MYLK4: variants seen among roughly 807,000 people sequenced by gnomAD.
MYLK4 encodes caMLCK like.
Under a neutral mutation model 48.1 loss-of-function variants are expected in MYLK4, and 46 were observed. The observed-to-expected ratio is 0.96, with a 90% CI of 0.75 to 1.22. The LOEUF is 1.22. Ranked by LOEUF, MYLK4 falls within the 50% of genes most tolerant of loss-of-function variation. The probability of loss-of-function intolerance (pLI) is 0.00; values close to 1 mark genes in which losing one functional copy is unlikely to be tolerated. For missense variants in MYLK4, 451 were observed against 486.1 expected, an observed-to-expected ratio of 0.93 and a Z score of 0.68; for synonymous variants, 170 against 180.8, an observed-to-expected ratio of 0.94 and a Z score of 0.48.
At chr6:2,765,182 ACCCCCCC>A in the MYLK4 span, among the ~76,000 whole-genome samples, 1 of 72,924 alleles carries the variant, frequency 1.4e-5, no homozygotes, top group Non-Finnish European at 2.7e-5. Flanking sequence ...TCGCCTCGCA[ACCCCCCC>A]CCCCGCCCCT....
chr6:2,768,805 C>G, the MYLK4 span: 5 of 1,613,702 alleles, frequency 3.1e-6, no homozygotes, highest in Non-Finnish European at 4.2e-6. Context: ...AAAACAAGCT[C>G]AAAATGAAAA....
At chr6:2,757,773 A>G in the MYLK4 span, among the ~76,000 whole-genome samples, 25 of 152,362 alleles carry the variant, frequency 1.6e-4, no homozygotes, top group African/African-American at 5.8e-4. Context: ...AGCTAAATAG[A>G]TAAGATTGCT....
chr6:2,733,540 G>A (rs928717685), intron 2 of MYLK4, among the ~76,000 whole-genome samples: 17 of 152,192 alleles, frequency 1.1e-4, no homozygotes, highest in African/African-American at 4.1e-4. Flanking sequence ...AGAGAAGGAA[G>A]CCTACGTGGT....
intron 2 of MYLK4, among the ~76,000 whole-genome samples, chr6:2,747,459 C>T (rs1451073594): frequency 6.6e-6 from 1 of 152,154 alleles, no homozygotes; most frequent in Non-Finnish European, 1.5e-5. Context: ...AATCCTCCTG[C>T]CTCAGCCTCC....
At chr6:2,737,977 C>CGGGGG (rs1158504264) in intron 2 of MYLK4, among the ~76,000 whole-genome samples, 16 of 2,514 alleles carry the variant, frequency 6.4e-3, no homozygotes, top group Admixed American at 0.025. Flanking sequence ...GTGCCGGGGG[C>CGGGGG]GGGTGGGGGG....
At chr6:2,747,841 T>A (rs189913892) in intron 2 of MYLK4, among the ~76,000 whole-genome samples, 1 of 152,342 alleles carries the variant, frequency 6.6e-6, no homozygotes, top group African/African-American at 2.4e-5. Flanking sequence ...AATTATCCTG[T>A]TTGTACCACT....
intron 2 of MYLK4, among the ~76,000 whole-genome samples, chr6:2,734,187 A>G (rs1183396579): frequency 6.6e-6 from 1 of 151,914 alleles, no homozygotes; most frequent in Non-Finnish European, 1.5e-5. Flanking sequence ...GCCAGAAGCA[A>G]CTCTGTTACA....
the MYLK4 span, chr6:2,765,928 C>T: frequency 6.9e-7 from 1 of 1,450,768 alleles, no homozygotes; most frequent in South Asian, 1.3e-5. Flanking sequence ...GCGACGACGG[C>T]GGCGAGACCG....
At position 2,672,152 on chromosome 6, in the gene MYLK4, G is replaced by A. The variant is rs1008375081; in HGVS notation, c.1120-804C>T. 4.6e-5 allele frequency among the ~76,000 whole-genome samples: 7 copies of A among 152,206 alleles called. No individual in the cohort carries two copies. The highest frequency in any genetic ancestry group is 1.7e-4 in the African/African-American group (7 of 41,446). On this transcript the variant is annotated intron_variant, in intron 11 of 12. Transcript: ENST00000274643. The surrounding 1 kb of genome is among the most constrained non-coding windows in gnomAD (Gnocchi z 4.3). ...CTGAGAATGGGAAGGAAGGGTCAGA[G>A]GCTTCTTAGCTCTGGGGGAAAGAAA...
chr6:2,723,859 A>ATTATT (rs922110281), intron 2 of MYLK4, among the ~76,000 whole-genome samples: 30 of 151,992 alleles, frequency 2.0e-4, no homozygotes, highest in Admixed American at 5.3e-4. Flanking sequence ...TTGGTGATTG[A>ATTATT]TTATTTTATT....
At chr6:2,700,888 T>A (rs1410400178) in intron 2 of MYLK4, among the ~76,000 whole-genome samples, 2 of 152,172 alleles carry the variant, frequency 1.3e-5, no homozygotes, top group African/African-American at 4.8e-5. Context: ...CATAGAAGTA[T>A]TTATAGCACT....
the MYLK4 span, among the ~76,000 whole-genome samples, chr6:2,764,427 G>A: frequency 1.3e-4 from 20 of 152,158 alleles, no homozygotes; most frequent in Admixed American, 1.2e-3. Context: ...ATGTGCTCTT[G>A]CCCAGATGAA....
the MYLK4 span, among the ~76,000 whole-genome samples, chr6:2,757,546 T>TTA: frequency 1.3e-5 from 2 of 152,050 alleles, no homozygotes; most frequent in Non-Finnish European, 2.9e-5. Flanking sequence ...ACATTATTTG[T>TTA]TATATATAAA....
chr6:2,681,658 C>G (rs1317825503), intron 7 of MYLK4, among the ~76,000 whole-genome samples: 1 of 152,184 alleles, frequency 6.6e-6, no homozygotes, highest in Non-Finnish European at 1.5e-5. Flanking sequence ...AATCTCCCCC[C>G]ACATACTGAC....
At chr6:2,734,300 G>A in intron 2 of MYLK4, among the ~76,000 whole-genome samples, 1 of 152,196 alleles carries the variant, frequency 6.6e-6, no homozygotes, top group East Asian at 1.9e-4. Context: ...TTTCCATGCT[G>A]CGGTCTGTCA....
intron 4 of MYLK4, among the ~76,000 whole-genome samples, chr6:2,687,451 G>C (rs1761603739): frequency 6.6e-6 from 1 of 152,176 alleles, no homozygotes. Context: ...AAGTTTCAAA[G>C]GAGCAATTGA....
intron 3 of MYLK4, among the ~76,000 whole-genome samples, chr6:2,691,920 C>T (rs1029701843): frequency 2.6e-5 from 4 of 152,222 alleles, no homozygotes; most frequent in Non-Finnish European, 4.4e-5. Context: ...AGGCCTTAAA[C>T]CGCAATGGCA....
At chr6:2,734,994 T>A (rs1763619365) in intron 2 of MYLK4, among the ~76,000 whole-genome samples, 2 of 152,230 alleles carry the variant, frequency 1.3e-5, no homozygotes, top group Admixed American at 1.3e-4. Flanking sequence ...CAGCTTGTGA[T>A]GATGTTTGCA....
rs113056960 is a variant in MYLK4 at position 2,729,785 on chromosome 6, G to A, written c.159+19351C>T. On this transcript the variant is annotated intron_variant, in intron 2 of 12. Coordinates refer to ENST00000274643, the MANE Select transcript of MYLK4 (RefSeq NM_001012418.5). ...AGAGAAGTTTCTGACAACCTACAAA[G>A]AACCCTGTTAGGACCTATATGAAGG... 4.8e-3 allele frequency among the ~76,000 whole-genome samples: 737 copies of A among 152,138 alleles called. 9 individuals are homozygous for A. The highest frequency in any genetic ancestry group is 0.017 in the African/African-American group (714 of 41,504).
Sources: gnomAD v4.1 joint callset for allele counts (sites outside exome capture counted in the v4.1 genomes callset) on GRCh38, gnomAD v4.1.1 for gene constraint, Gnocchi (gnomAD v3.1) non-coding constraint, MANE v1.5 for transcripts, NCBI Gene and HGNC (gene_info 2026-07-23, HGNC 2026-07-21) for gene names.